SLC2A14: variants seen among roughly 807,000 people sequenced by gnomAD.
SLC2A14 encodes solute carrier family 2, facilitated glucose transporter member 14.
SLC2A14 carries 13 observed loss-of-function variants against 43.0 expected under a neutral mutation model. That is an observed-to-expected ratio of 0.30 (90% CI 0.20 to 0.48). The LOEUF (loss-of-function observed/expected upper bound fraction) is 0.48, where lower values mean the gene tolerates loss of function less well. Ranked by LOEUF, SLC2A14 falls within the 20% of genes least tolerant of loss-of-function variation. SLC2A14 has a pLI of 0.99. For missense variants in SLC2A14, 428 were observed against 620.4 expected (o/e 0.69, Z 3.29); for synonymous variants, 190 against 233.8 (o/e 0.81, Z 1.71).
chr12:7,852,081 T>C (rs1866980025), intron 2 of SLC2A14, among the ~76,000 whole-genome samples: 1 of 152,170 alleles, frequency 6.6e-6, no homozygotes, highest in African/African-American at 2.4e-5. Flanking sequence ...GAACAGAGCT[T>C]CTAGTTTAAG....
At chr12:7,872,626 A>C in intron 1 of SLC2A14, 181 bp downstream of exon 1, 1 of 397,216 alleles carries the variant, frequency 2.5e-6, no homozygotes, top group Non-Finnish European at 3.4e-6. Flanking sequence ...GGTGCTCAGT[A>C]AATCACAAAT....
intron 1 of SLC2A14, among the ~76,000 whole-genome samples, chr12:7,882,422 A>C (rs757499456): frequency 1.3e-5 from 2 of 152,222 alleles, no homozygotes; most frequent in East Asian, 3.9e-4. Flanking sequence ...GCGAGGGTCC[A>C]TGGCTTCATT....
chr12:7,859,330 C>T (rs886328723), intron 2 of SLC2A14, among the ~76,000 whole-genome samples: 4 of 151,682 alleles, frequency 2.6e-5, no homozygotes, highest in African/African-American at 4.8e-5. Context: ...GCAGTGGTTG[C>T]GATGAGCCAA....
upstream of SLC2A14, chr12:7,872,979 G>A: frequency 1.0e-6 from 1 of 985,474 alleles, no homozygotes; most frequent in Non-Finnish European, 1.2e-6. Flanking sequence ...AACGTGACTC[G>A]GTTCATCGGG....
At chr12:7,830,296 C>T (rs769071585) in intron 4 of SLC2A14, among the ~76,000 whole-genome samples, 15 of 152,018 alleles carry the variant, frequency 9.9e-5, no homozygotes, top group South Asian at 6.2e-4. Context: ...GGATAACAGG[C>T]GCCTGCCACC....
intron 9 of SLC2A14, 109 bp from the exon 10 acceptor site, chr12:7,818,143 A>C: frequency 1.1e-6 from 1 of 947,238 alleles, no homozygotes; most frequent in Non-Finnish European, 1.6e-6. Context: ...CGTACAATAC[A>C]AAGAGTGGCT....
At chr12:7,882,887 G>A (rs1945612190) in intron 1 of SLC2A14, among the ~76,000 whole-genome samples, 1 of 57,704 alleles carries the variant, frequency 1.7e-5, no homozygotes, top group Non-Finnish European at 5.2e-5. Flanking sequence ...CTCAATTCAA[G>A]TTTAAAAAAA....
chr12:7,890,827 C>G (rs530545542), intron 1 of SLC2A14: 20 of 583,318 alleles, frequency 3.4e-5, no homozygotes, highest in Middle Eastern at 3.6e-4. Flanking sequence ...GCCCTTTGGA[C>G]AGCTGCGGGC....
intron 2 of SLC2A14, among the ~76,000 whole-genome samples, chr12:7,859,888 A>T (rs1476783109): frequency 6.6e-6 from 1 of 152,168 alleles, no homozygotes; most frequent in Non-Finnish European, 1.5e-5. Flanking sequence ...GAAGGGGATC[A>T]TGGGAAACGT....
At chr12:7,815,317 G>A (rs1452510147) in intron 10 of SLC2A14, among the ~76,000 whole-genome samples, 1 of 152,014 alleles carries the variant, frequency 6.6e-6, no homozygotes, top group East Asian at 2.0e-4. Context: ...TCAGGAGGCT[G>A]AGGCAAGAGA....
intron 4 of SLC2A14, among the ~76,000 whole-genome samples, chr12:7,830,890 G>A (rs1864962538): frequency 6.6e-6 from 1 of 152,124 alleles, no homozygotes; most frequent in South Asian, 2.1e-4. Context: ...TTAGGAGGCT[G>A]AGGTGGGCGG....
At chr12:7,883,590 C>CTTTTTTTTTTTTTTTT (rs1204450230) in intron 1 of SLC2A14, among the ~76,000 whole-genome samples, 7 of 95,212 alleles carry the variant, frequency 7.4e-5, no homozygotes, top group Non-Finnish European at 1.2e-4. Context: ...TTTTTCTTTT[C>CTTTTTTTTTTTTTTTT]TTTTTTTTTT....
intron 10 of SLC2A14, among the ~76,000 whole-genome samples, chr12:7,814,841 C>A (rs1863292731): frequency 6.6e-6 from 1 of 151,800 alleles, no homozygotes; most frequent in Non-Finnish European, 1.5e-5. Context: ...ACTCTGTCAC[C>A]CAGGCTGGAG....
intron 2 of SLC2A14, among the ~76,000 whole-genome samples, chr12:7,836,222 A>G (rs1476750759): frequency 1.6e-5 from 1 of 61,106 alleles, no homozygotes; most frequent in Non-Finnish European, 2.9e-5. Context: ...CACAGATATA[A>G]CTTTTTTTTT....
At chr12:7,827,013 CTCTT>C (rs1471419303) in intron 7 of SLC2A14, among the ~76,000 whole-genome samples, 8 of 137,726 alleles carry the variant, frequency 5.8e-5, no homozygotes, top group South Asian at 2.5e-4. Context: ...TTCTCTCTCT[CTCTT>C]TCTCTCCTTT....
At chr12:7,864,039 A>G (rs1384002297) in intron 2 of SLC2A14, among the ~76,000 whole-genome samples, 1 of 151,532 alleles carries the variant, frequency 6.6e-6, no homozygotes, top group Non-Finnish European at 1.5e-5. Context: ...GATGGTCTTG[A>G]TCTCCTAACC....
chr12:7,879,106 A>C (rs928589743), intron 1 of SLC2A14, among the ~76,000 whole-genome samples: 2 of 151,660 alleles, frequency 1.3e-5, no homozygotes, highest in African/African-American at 4.8e-5. Flanking sequence ...TTATCTTATA[A>C]CTGTCCTTGA....
intron 1 of SLC2A14, among the ~76,000 whole-genome samples, chr12:7,884,104 T>C (rs1945647388): frequency 6.8e-6 from 1 of 147,784 alleles, no homozygotes; most frequent in Admixed American, 6.8e-5. Context: ...TTTGTATTTT[T>C]AGTAGAAACG....
At chr12:7,818,691 C>CTTTT (rs35067057) in intron 9 of SLC2A14, among the ~76,000 whole-genome samples, 1 of 145,704 alleles carries the variant, frequency 6.9e-6, no homozygotes, top group Non-Finnish European at 1.5e-5. Context: ...CAAAAAAATA[C>CTTTT]TTTTTTTTTT....
Sources: gnomAD v4.1 joint callset for allele counts (sites outside exome capture counted in the v4.1 genomes callset) on GRCh38, gnomAD v4.1.1 for gene constraint, MANE v1.5 for transcripts, NCBI Gene and HGNC (gene_info 2026-07-23, HGNC 2026-07-21) for gene names.